NCOR1: variants seen among roughly 807,000 people sequenced by gnomAD.
NCOR1 encodes the protein protein phosphatase 1, regulatory subunit 109.
A neutral mutation model predicts 288.1 loss-of-function variants in NCOR1; 63 were observed. That is an observed-to-expected ratio of 0.22 (90% CI 0.18 to 0.27). The LOEUF is 0.27. NCOR1 is among the 10% of genes least tolerant of loss of function. The pLI, the probability that NCOR1 is intolerant of heterozygous loss-of-function variation, is 1.00. For missense variants in NCOR1, 2,397 were observed against 3,019.2 expected, an observed-to-expected ratio of 0.79 and a Z score of 4.83; for synonymous variants, 1,007 against 1,065.9, an observed-to-expected ratio of 0.94 and a Z score of 1.08.
chr17:16,042,030 G>A (rs553388960), intron 42 of NCOR1, among the ~76,000 whole-genome samples: 24 of 152,204 alleles, frequency 1.6e-4, no homozygotes, highest in Middle Eastern at 3.4e-3. Flanking sequence ...CACCGTGCCC[G>A]GCCAGAATGT....
chr17:16,182,836 T>G (rs1009124640), intron 3 of NCOR1, among the ~76,000 whole-genome samples: 4 of 151,610 alleles, frequency 2.6e-5, no homozygotes, highest in Admixed American at 1.3e-4. Flanking sequence ...AGCAAAAAAT[T>G]TTTACTGGAG....
At chr17:16,142,351 A>G (rs1018850739) in intron 11 of NCOR1, among the ~76,000 whole-genome samples, 20 of 152,194 alleles carry the variant, frequency 1.3e-4, no homozygotes, top group African/African-American at 4.8e-4. Context: ...TTTGAAGTAT[A>G]CAGCATGGTA....
At chr17:16,112,197 C>T (rs1056490226) in intron 18 of NCOR1, among the ~76,000 whole-genome samples, 2 of 152,170 alleles carry the variant, frequency 1.3e-5, no homozygotes, top group African/African-American at 4.8e-5. Flanking sequence ...ACATATCTGA[C>T]TCATTTTTTA....
rs1418470564 is a variant in NCOR1 at position 16,031,057 on chromosome 17, A to T, written c.*1239T>A. ...AAAAAAACTTTAAAATTCAGCAAGC[A>T]ATTCTTAATGAAAGATAAAACTGGC... On this transcript the variant is annotated 3_prime_UTR_variant, in exon 46 of 46. Transcript: ENST00000268712. 1 of 193,616 alleles carries T rather than the reference A, an allele frequency of 5.2e-6. No homozygotes were observed. Among genetic ancestry groups the T allele is most frequent in the Admixed American group, 6.1e-5 (1 of 16,384 alleles). 12.0% of individuals were successfully genotyped at this position (193,616 alleles called of 1,614,324 possible). A position where few individuals can be genotyped will look rare whatever the true frequency, so the allele number is the denominator to read the frequency against.
At chr17:16,190,397 C>T (rs1304418176) in intron 2 of NCOR1, among the ~76,000 whole-genome samples, 5 of 151,700 alleles carry the variant, frequency 3.3e-5, no homozygotes, top group Admixed American at 1.3e-4. Context: ...TGCAGCGGCA[C>T]GATCTAGGCT....
chr17:16,195,753 C>A (rs1396834021), intron 1 of NCOR1, among the ~76,000 whole-genome samples: 1 of 152,114 alleles, frequency 6.6e-6, no homozygotes, highest in Non-Finnish European at 1.5e-5. Context: ...CCAGAGAATT[C>A]TGGATGAGAA....
intron 15 of NCOR1, among the ~76,000 whole-genome samples, chr17:16,125,670 C>T (rs2073892823): frequency 6.8e-6 from 1 of 146,422 alleles, no homozygotes; most frequent in Non-Finnish European, 1.5e-5. Flanking sequence ...CCACTGCACT[C>T]CAGCCTGGGC....
chr17:16,043,077 G>A (rs1193248912), intron 42 of NCOR1, among the ~76,000 whole-genome samples: 1 of 152,206 alleles, frequency 6.6e-6, no homozygotes. Flanking sequence ...GGCCAGAGAA[G>A]TAGAGAAGAA....
At chr17:16,085,724 G>C (rs1301718888) in intron 23 of NCOR1, among the ~76,000 whole-genome samples, 1 of 152,136 alleles carries the variant, frequency 6.6e-6, no homozygotes, top group Non-Finnish European at 1.5e-5. Flanking sequence ...AGATGGCCTG[G>C]GAAGGAACAT....
At chr17:16,132,345 G>T (rs1045684677) in intron 14 of NCOR1, among the ~76,000 whole-genome samples, 1 of 152,058 alleles carries the variant, frequency 6.6e-6, no homozygotes, top group African/African-American at 2.4e-5. Context: ...AGTTTATGTT[G>T]GAAAAATGCA....
intron 2 of NCOR1, among the ~76,000 whole-genome samples, chr17:16,191,590 T>TA (rs35992976): frequency 0.05 from 7,508 of 151,166 alleles, 225 homozygotes; most frequent in African/African-American, 0.093. Context: ...CTAATGGATT[T>TA]AAAAAAAATA....
At chr17:16,188,182 A>G (rs2087152911) in intron 2 of NCOR1, among the ~76,000 whole-genome samples, 1 of 152,210 alleles carries the variant, frequency 6.6e-6, no homozygotes, top group South Asian at 2.1e-4. Flanking sequence ...TAAACAGATA[A>G]AATTATGCTG....
chr17:16,080,327 C>A (rs1032673332), intron 25 of NCOR1, 81 bp downstream of exon 25: 26 of 1,156,500 alleles, frequency 2.2e-5, no homozygotes, highest in Non-Finnish European at 2.9e-5. Flanking sequence ...AAAAGCCCAT[C>A]ATTAAAATAT....
chr17:16,082,032 A>C (rs538567337), intron 23 of NCOR1, among the ~76,000 whole-genome samples: 2 of 152,336 alleles, frequency 1.3e-5, no homozygotes, highest in Admixed American at 1.3e-4. Context: ...GGCTGATTTT[A>C]CTGATTTTAG....
In NCOR1 at chr17:16,121,136, T is replaced by C; in HGVS notation, c.1768A>G (p.Thr590Ala). Residue 590 changes from threonine to alanine, a missense_variant, in exon 16 of 46, where the codon ACA becomes GCA. Physicochemically the swap from Thr to Ala is moderately conservative, Grantham distance 58 (BLOSUM62 0). Around this residue, in one of 11 missense-constraint regions of NCOR1, gnomAD observed 113 missense variants for 139.5 expected, o/e 0.81. Coordinates refer to ENST00000268712, the MANE Select transcript of NCOR1 (RefSeq NM_006311.4). ...GCACTGGCAGCTGCAGCTTCGTTTG[T>C]CATGGACCTGGTGATCCGGCCCTTA... Reference protein sequence around the residue: ...RRKGRITRSMTNEAAAASAAA... With the variant: ...RRKGRITRSMANEAAAASAAA... The C allele has an allele frequency of 6.2e-7, 1 of 1,614,212 alleles. No individual in the cohort carries two copies. The highest frequency in any genetic ancestry group is 1.1e-5 in the South Asian group (1 of 91,082).
intron 1 of NCOR1, among the ~76,000 whole-genome samples, chr17:16,208,249 G>C (rs2091786624): frequency 8.1e-6 from 1 of 123,966 alleles, no homozygotes; most frequent in South Asian, 2.5e-4. Context: ...TAGTAGAGAT[G>C]GGGTTTCACC....
chr17:16,150,632 G>A (rs369926359), intron 8 of NCOR1, among the ~76,000 whole-genome samples: 14 of 151,544 alleles, frequency 9.2e-5, no homozygotes, highest in African/African-American at 1.5e-4. Context: ...GAAATAAATC[G>A]GACAGAGCTG....
chr17:16,093,673 C>T (rs527974777), intron 21 of NCOR1, among the ~76,000 whole-genome samples: 1 of 152,264 alleles, frequency 6.6e-6, no homozygotes, highest in South Asian at 2.1e-4. Flanking sequence ...TTCACTGATC[C>T]TAAAACCCAT....
Position 16,080,424 on chromosome 17 carries a change from A to T in NCOR1, c.3384T>A (p.His1128Gln). 6.2e-7 allele frequency: 1 copy of T among 1,613,850 alleles called. No homozygotes were observed. Among genetic ancestry groups the T allele is most frequent in the Non-Finnish European group, 8.5e-7 (1 of 1,179,782 alleles). The change falls in exon 25 of 46, where the codon CAT becomes CAA. Residue 1128 changes from histidine (H) to glutamine (Q), a missense_variant. Physicochemically the swap from His to Gln is conservative, Grantham distance 24. Transcript: ENST00000268712. ...ATATTTTACCTCTGACTACACCTTC[A>T]TGTTGGGCCCTGACCAACAGACCCT... ...QPEGLLVRAQ[H>Q]EGVVRGTAGA...
Sources: gnomAD v4.1 joint callset for allele counts (sites outside exome capture counted in the v4.1 genomes callset) on GRCh38, gnomAD v4.1.1 for gene constraint, gnomAD v4.1.1 regional missense constraint, MANE v1.5 for transcripts, NCBI Gene and HGNC (gene_info 2026-07-23, HGNC 2026-07-21) for gene names.